Variants in CCSER1 observed in about 807,000 individuals in gnomAD.
CCSER1 encodes the protein serine-rich coiled-coil domain-containing protein 1.
A neutral mutation model predicts 82.0 loss-of-function variants in CCSER1; 41 were observed. That is an observed-to-expected ratio of 0.50 (90% CI 0.39 to 0.65). The LOEUF is 0.65. Ranked by LOEUF, CCSER1 falls within the 30% of genes least tolerant of loss-of-function variation. CCSER1 has a pLI of 0.00. For synonymous variants in CCSER1, 414 were observed against 383.9 expected (o/e 1.08, Z -0.92); for missense variants, 1,119 against 1,064.2 (o/e 1.05, Z -0.72).
At chr4:90,441,817 A>T (rs1175055347) in intron 4 of CCSER1, among the ~76,000 whole-genome samples, 3 of 152,252 alleles carry the variant, frequency 2.0e-5, no homozygotes, top group Non-Finnish European at 4.4e-5. Flanking sequence ...TCTCTGATGG[A>T]TGAATGATTA....
At chr4:91,546,102 T>G (rs1761876611) in intron 10 of CCSER1, among the ~76,000 whole-genome samples, 1 of 152,144 alleles carries the variant, frequency 6.6e-6, no homozygotes. Flanking sequence ...ATATGAAAAG[T>G]TGAACAAATC....
intron 8 of CCSER1, among the ~76,000 whole-genome samples, chr4:90,904,180 T>G (rs768801273): frequency 6.6e-6 from 1 of 152,128 alleles, no homozygotes; most frequent in Non-Finnish European, 1.5e-5. Context: ...TGATTTATCT[T>G]AAACTAAACG....
At chr4:91,323,281 G>A (rs1746317690) in intron 10 of CCSER1, among the ~76,000 whole-genome samples, 1 of 152,130 alleles carries the variant, frequency 6.6e-6, no homozygotes, top group African/African-American at 2.4e-5. Context: ...TGGTTCTCAA[G>A]CTTTAGTGTG....
chr4:90,870,622 T>G (rs1766350746), intron 8 of CCSER1, among the ~76,000 whole-genome samples: 1 of 151,740 alleles, frequency 6.6e-6, no homozygotes, highest in Non-Finnish European at 1.5e-5. Context: ...ATCAATGTTT[T>G]TCAGAGATAT....
At chr4:91,101,656 G>A (rs1446859131) in intron 10 of CCSER1, among the ~76,000 whole-genome samples, 1 of 151,644 alleles carries the variant, frequency 6.6e-6, no homozygotes, top group Admixed American at 6.6e-5. Flanking sequence ...GACCAGGTTG[G>A]GGGCCTGACA....
intron 1 of CCSER1, among the ~76,000 whole-genome samples, chr4:90,276,340 C>CTTT (rs1727803433): frequency 9.8e-6 from 1 of 101,620 alleles, no homozygotes; most frequent in African/African-American, 4.9e-5. Context: ...TTTCTTTCTT[C>CTTT]TTTCTTTCTT....
At chr4:91,445,412 T>TG (rs59248346) in intron 10 of CCSER1, among the ~76,000 whole-genome samples, 119,730 of 147,790 alleles carry the variant, frequency 0.81, 48,757 homozygotes, top group East Asian at 0.92. Flanking sequence ...TTTTCTCATT[T>TG]TAGCCATCTT....
intron 10 of CCSER1, among the ~76,000 whole-genome samples, chr4:91,361,677 C>T (rs552685386): frequency 3.3e-5 from 5 of 151,704 alleles, no homozygotes; most frequent in African/African-American, 9.7e-5. Context: ...CAAGTAAGAG[C>T]GAAATCTATG....
intron 10 of CCSER1, among the ~76,000 whole-genome samples, chr4:91,088,681 AATAG>A (rs1723630194): frequency 2.0e-5 from 3 of 152,302 alleles, no homozygotes; most frequent in Non-Finnish European, 4.4e-5. Context: ...GGCTGATTAT[AATAG>A]ATAATAAAAA....
chr4:91,279,502 CT>C, intron 10 of CCSER1, among the ~76,000 whole-genome samples: 1 of 151,962 alleles, frequency 6.6e-6, no homozygotes, highest in Non-Finnish European at 1.5e-5. Flanking sequence ...AGTTCTGAAA[CT>C]TTTTCTTCTG....
intron 10 of CCSER1, among the ~76,000 whole-genome samples, chr4:91,306,352 T>G (rs1052727180): frequency 6.6e-6 from 1 of 152,056 alleles, no homozygotes; most frequent in Non-Finnish European, 1.5e-5. Flanking sequence ...TGGTTTGCTT[T>G]GGCTTTCTCT....
At chr4:90,440,032 C>CT (rs1039391571) in intron 4 of CCSER1, among the ~76,000 whole-genome samples, 3 of 151,624 alleles carry the variant, frequency 2.0e-5, no homozygotes, top group African/African-American at 7.3e-5. Flanking sequence ...CAGAATCTTG[C>CT]TTTGTCACCT....
intron 5 of CCSER1, among the ~76,000 whole-genome samples, chr4:90,515,349 T>C (rs1772122798): frequency 6.6e-6 from 1 of 152,210 alleles, no homozygotes; most frequent in Non-Finnish European, 1.5e-5. Context: ...CTTGTGATGG[T>C]TCACAAGTTT....
intron 10 of CCSER1, among the ~76,000 whole-genome samples, chr4:91,193,770 C>T (rs1330830270): frequency 6.6e-6 from 1 of 151,852 alleles, no homozygotes; most frequent in African/African-American, 2.4e-5. Flanking sequence ...AATGAATGCC[C>T]ATTGCTTATA....
chr4:90,375,762 G>C (rs571063539), intron 3 of CCSER1, among the ~76,000 whole-genome samples: 36 of 152,302 alleles, frequency 2.4e-4, no homozygotes, highest in African/African-American at 7.2e-4. Flanking sequence ...GCTGATTTCA[G>C]TAGCTGTCTC....
At chr4:90,528,703 T>G (rs1298103434) in intron 5 of CCSER1, among the ~76,000 whole-genome samples, 5 of 152,224 alleles carry the variant, frequency 3.3e-5, no homozygotes, top group African/African-American at 1.2e-4. Context: ...TTTTTTCTAG[T>G]CACTGGAGAA....
chr4:90,353,139 T>C (rs1743796577), intron 3 of CCSER1, among the ~76,000 whole-genome samples: 1 of 152,148 alleles, frequency 6.6e-6, no homozygotes, highest in Admixed American at 6.5e-5. Context: ...TGAGGCTATA[T>C]CTTAAATCTC....
At chr4:91,459,509 C>T (rs1337921225) in intron 10 of CCSER1, among the ~76,000 whole-genome samples, 4 of 151,940 alleles carry the variant, frequency 2.6e-5, no homozygotes, top group East Asian at 1.9e-4. Context: ...ATAACAAGAC[C>T]GAAGAGCTGT....
rs187607856 is a variant in CCSER1, at chr4:90,311,824, C to T, written c.1325-1039C>T. Among the ~76,000 whole-genome samples the T allele has an allele frequency of 3.9e-5, 6 of 152,244 alleles. No homozygotes were observed. The East Asian group carries it at 9.6e-4, about 24-fold the overall frequency. On this transcript the variant is annotated intron_variant, in intron 2 of 10. Coordinates refer to ENST00000509176, the MANE Select transcript of CCSER1 (RefSeq NM_001145065.2). ...AACTAGTAGATGAGCCTAATTAGAA[C>T]AATTTTTTCATTTACTCATTCATTC... is the stretch of plus-strand genomic sequence containing the variant.
Sources: allele counts gnomAD v4.1 joint callset (sites outside exome capture counted in the v4.1 genomes callset), GRCh38; gene constraint gnomAD v4.1.1; transcripts MANE v1.5; gene names NCBI Gene and HGNC (gene_info 2026-07-23, HGNC 2026-07-21).